Variants in ATRNL1 observed in about 807,000 individuals in gnomAD.
ATRNL1 encodes the protein attractin-like protein 1.
Under a neutral mutation model 182.7 loss-of-function variants are expected in ATRNL1, and 95 were observed. The ratio of observed to expected loss-of-function variants is 0.52; its 90% CI spans 0.44 to 0.62. The LOEUF is 0.62. Ranked by LOEUF, ATRNL1 falls within the 20% of genes least tolerant of loss-of-function variation. The pLI is 0.00. For synonymous variants in ATRNL1, 576 were observed against 568.3 expected (o/e 1.01, Z -0.19); for missense variants, 1,471 against 1,679.5 (o/e 0.88, Z 2.17).
At chr10:115,633,946 A>G (rs1386115866) in intron 26 of ATRNL1, among the ~76,000 whole-genome samples, 1 of 152,204 alleles carries the variant, frequency 6.6e-6, no homozygotes, top group East Asian at 1.9e-4. Context: ...TACCTTTATT[A>G]TCATTATTAT....
chr10:115,200,088 C>T (rs984101701), intron 8 of ATRNL1, among the ~76,000 whole-genome samples: 4 of 151,902 alleles, frequency 2.6e-5, no homozygotes, highest in African/African-American at 9.7e-5. Context: ...TAAAAAAATA[C>T]CCATTAAAGT....
chr10:115,517,620 T>G (rs2133695809), intron 24 of ATRNL1, among the ~76,000 whole-genome samples: 1 of 151,900 alleles, frequency 6.6e-6, no homozygotes, highest in East Asian at 1.9e-4. Flanking sequence ...CAAGCCTTTG[T>G]TCAAGGTCCT....
intron 28 of ATRNL1, among the ~76,000 whole-genome samples, chr10:115,878,564 C>T (rs1369408552): frequency 1.3e-5 from 2 of 152,148 alleles, no homozygotes; most frequent in African/African-American, 4.8e-5. Context: ...TATATTTTCT[C>T]TGTTTTTTAT....
At chr10:115,351,755 T>C (rs1467862949) in intron 19 of ATRNL1, among the ~76,000 whole-genome samples, 1 of 151,960 alleles carries the variant, frequency 6.6e-6, no homozygotes, top group Admixed American at 6.6e-5. Flanking sequence ...TTTTGTTTTG[T>C]TTTGTTTTGT....
intron 24 of ATRNL1, among the ~76,000 whole-genome samples, chr10:115,489,501 A>C (rs929155526): frequency 6.6e-6 from 1 of 151,786 alleles, no homozygotes; most frequent in Non-Finnish European, 1.5e-5. Context: ...GTCTCTTTTG[A>C]TCTTTGTTGG....
At chr10:115,827,769 G>A (rs374064201) in intron 27 of ATRNL1, among the ~76,000 whole-genome samples, 13 of 152,226 alleles carry the variant, frequency 8.5e-5, no homozygotes, top group African/African-American at 2.4e-4. Flanking sequence ...AGCAGTTGTC[G>A]AATACTGACA....
chr10:115,262,174 AT>A (rs5788100), intron 10 of ATRNL1, among the ~76,000 whole-genome samples: 2,282 of 143,322 alleles, frequency 0.016, 42 homozygotes, highest in African/African-American at 0.048. Context: ...GGGGCAGTGG[AT>A]TTTTTTTTTT....
intron 28 of ATRNL1, among the ~76,000 whole-genome samples, chr10:115,938,468 G>GT (rs1223397940): frequency 6.6e-6 from 1 of 152,036 alleles, no homozygotes; most frequent in African/African-American, 2.4e-5. Flanking sequence ...GGCATATATT[G>GT]TTTTTTTCTA....
intron 6 of ATRNL1, among the ~76,000 whole-genome samples, chr10:115,163,173 G>A (rs1387102337): frequency 6.6e-6 from 1 of 151,674 alleles, no homozygotes; most frequent in Non-Finnish European, 1.5e-5. Context: ...GGTGATGTAG[G>A]AAAGAGATCT....
Position 115,160,142 on chromosome 10 carries a change from T to G in ATRNL1, c.932T>G (p.Val311Gly). Residue 311 changes from valine (V) to glycine (G), a missense_variant, in exon 6 of 29, where the codon GTT becomes GGT. Val to Gly is a moderately radical substitution (Grantham distance 109, BLOSUM62 -3). Around this residue, in one of 3 missense-constraint regions of ATRNL1, gnomAD observed 1,031 missense variants for 1,156.0 expected, o/e 0.89. Coordinates refer to ENST00000355044, the MANE Select transcript of ATRNL1 (RefSeq NM_207303.4). ...GTAGGTCGGGCTTCACATAAAGCAG[T>G]TTTACACGGGAAATTTATGTGGGTG... ...PSVGRASHKA[V>G]LHGKFMWVIG... 13 of 1,612,866 alleles carry G rather than the reference T, an allele frequency of 8.1e-6. No homozygotes were observed. The highest frequency in any genetic ancestry group is 1.1e-5 in the Non-Finnish European group (13 of 1,179,224).
Position 115,153,371 on chromosome 10 carries a change from A to G in ATRNL1, c.830-6669A>G, listed in dbSNP as rs554572973. Among the ~76,000 whole-genome samples, 12 of 152,208 alleles carry G rather than the reference A, an allele frequency of 7.9e-5. No individual in the cohort carries two copies. The South Asian group carries it at 2.5e-3, about 32-fold the overall frequency. ...CTGGACATTTTTTGGTTGGTAAGCT[A>G]TTAATTATTGCCTCAATTTCAGAGC... On this transcript the variant is annotated intron_variant, in intron 5 of 28. Coordinates refer to ENST00000355044, the MANE Select transcript of ATRNL1 (RefSeq NM_207303.4).
At chr10:115,402,633 ACT>A (rs1471379188) in intron 20 of ATRNL1, among the ~76,000 whole-genome samples, 1 of 152,122 alleles carries the variant, frequency 6.6e-6, no homozygotes, top group East Asian at 1.9e-4. Context: ...AAATTGTTTT[ACT>A]CTCTGTTCAC....
intron 24 of ATRNL1, among the ~76,000 whole-genome samples, chr10:115,488,319 T>G (rs1849127038): frequency 1.3e-5 from 2 of 152,204 alleles, no homozygotes; most frequent in South Asian, 4.1e-4. Context: ...TTGGTACCTC[T>G]GGTAGAATTC....
intron 27 of ATRNL1, among the ~76,000 whole-genome samples, chr10:115,741,189 A>G (rs1948129989): frequency 6.6e-6 from 1 of 152,138 alleles, no homozygotes; most frequent in African/African-American, 2.4e-5. Flanking sequence ...TCTAATAAAA[A>G]TATGTTATTA....
chr10:115,308,351 C>T (rs1257192050), intron 17 of ATRNL1, among the ~76,000 whole-genome samples: 2 of 151,906 alleles, frequency 1.3e-5, no homozygotes, highest in Non-Finnish European at 2.9e-5. Context: ...GAGATTTAGT[C>T]CCAAATGTAT....
chr10:115,156,824 A>G (rs1275646794), intron 5 of ATRNL1, among the ~76,000 whole-genome samples: 1 of 152,132 alleles, frequency 6.6e-6, no homozygotes, highest in Non-Finnish European at 1.5e-5. Context: ...GAAGTGGTAG[A>G]ATAATTTTTA....
chr10:115,924,160 A>G lies in ATRNL1; in HGVS notation c.4019-20498A>G, dbSNP rs374709466. On this transcript the variant is annotated intron_variant, in intron 28 of 28. Transcript: ENST00000355044. ...AATCTGGATATTAGACCTTTGTCAG[A>G]TGGGTAGATTGCAAAACATTTCTCC... 2.2e-4 allele frequency among the ~76,000 whole-genome samples: 33 copies of G among 152,262 alleles called. No individual in the cohort carries two copies. The East Asian group carries it at 5.2e-3, about 24-fold the overall frequency.
intron 10 of ATRNL1, among the ~76,000 whole-genome samples, chr10:115,247,286 A>G (rs1850684924): frequency 6.6e-6 from 1 of 152,212 alleles, no homozygotes; most frequent in African/African-American, 2.4e-5. Flanking sequence ...TCCAGAATAT[A>G]CAAAGAACTA....
intron 25 of ATRNL1, among the ~76,000 whole-genome samples, chr10:115,531,843 G>A (rs28787575): frequency 0.088 from 10,676 of 120,874 alleles, 921 homozygotes; most frequent in African/African-American, 0.18. Flanking sequence ...AGCATTCTAC[G>A]TATGGCTAGC....
Sources: allele counts gnomAD v4.1 joint callset (sites outside exome capture counted in the v4.1 genomes callset), GRCh38; gene constraint gnomAD v4.1.1; regional missense constraint gnomAD v4.1.1; transcripts MANE v1.5; gene names NCBI Gene and HGNC (gene_info 2026-07-23, HGNC 2026-07-21).